UGT2B17: variants seen among roughly 807,000 people sequenced by gnomAD.
UGT2B17 encodes UDP glucuronosyltransferase family 2 member B17.
In UGT2B17, 21 loss-of-function variants were observed where a neutral mutation model predicts 48.2. That is an observed-to-expected ratio of 0.44 (90% CI 0.31 to 0.63). The LOEUF (loss-of-function observed/expected upper bound fraction) is 0.63, where lower values mean the gene tolerates loss of function less well. Among genes scored for constraint, UGT2B17 ranks in the 20% least tolerant of loss-of-function variants. The pLI, the probability that UGT2B17 is intolerant of heterozygous loss-of-function variation, is 0.08. For synonymous variants in UGT2B17, 146 were observed against 238.4 expected (o/e 0.61, Z 3.57); for missense variants, 402 against 696.1 (o/e 0.58, Z 4.75).
chr4:68,538,245 T>A (rs1435429842), intron 6 of UGT2B17, among the ~76,000 whole-genome samples: 2 of 121,550 alleles, frequency 1.6e-5, no homozygotes, highest in African/African-American at 5.7e-5. Flanking sequence ...TTTTAGTTTT[T>A]TTTTTTTTTG....
In UGT2B17 at chr4:68,546,261, C is replaced by T. The variant is rs1730803511; in HGVS notation, c.1313+4416G>A. On this transcript the variant is annotated intron_variant, in intron 6 of 6. Transcript: ENST00000317746. Reference sequence around the variant, plus strand: ...TGGGCTTCATCCCTGGGATGCAAGGCTAGTTCAACGTACACAAATCAATGA... The same window carrying T: ...TGGGCTTCATCCCTGGGATGCAAGGTTAGTTCAACGTACACAAATCAATGA... 1.6e-5 allele frequency among the ~76,000 whole-genome samples: 2 copies of T among 126,210 alleles called. 1 individual carries two copies. Among genetic ancestry groups the T allele is most frequent in the South Asian group, 7.5e-4 (2 of 2,662 alleles). The allele number at this position is 126,210 out of a possible 152,430, so 82.8% of individuals were successfully genotyped here.
Position 68,546,336 on chromosome 4 carries a change from C to T in UGT2B17, c.1313+4341G>A, listed in dbSNP as rs1399407006. 1.6e-5 allele frequency among the ~76,000 whole-genome samples: 2 copies of T among 126,572 alleles called. 1 individual carries two copies. The highest frequency in any genetic ancestry group is 3.3e-5 in the Non-Finnish European group (2 of 59,768). 83.0% of individuals were successfully genotyped at this position (126,572 alleles called of 152,430 possible). ...CCAATGACAAAAACCACATGATTATCTCAATAGATGCAGAAAAGACCTTTG... is the reference window on the plus strand; with the variant it reads ...CCAATGACAAAAACCACATGATTATTTCAATAGATGCAGAAAAGACCTTTG... On this transcript the variant is annotated intron_variant, in intron 6 of 6. Coordinates refer to ENST00000317746, the MANE Select transcript of UGT2B17 (RefSeq NM_001077.4).
At position 68,570,766 on chromosome 4, in the gene UGT2B17, G is replaced by A. The variant is rs1446755808; in HGVS notation, c.-64-2218C>T. 1.6e-5 allele frequency among the ~76,000 whole-genome samples: 2 copies of A among 126,258 alleles called. 1 individual carries two copies. Among genetic ancestry groups the A allele is most frequent in the African/African-American group, 5.4e-5 (2 of 36,804 alleles). 82.8% of individuals were successfully genotyped at this position (126,258 alleles called of 152,430 possible). A position where few individuals can be genotyped will look rare whatever the true frequency, so the allele number is the denominator to read the frequency against. Reference sequence around the variant, plus strand: ...CAGTAAGCAGGTTTTTATAATTATTGTAACTCCTATTATAAGAGTTTTAAA... The same window carrying A: ...CAGTAAGCAGGTTTTTATAATTATTATAACTCCTATTATAAGAGTTTTAAA... On this transcript the variant is annotated intron_variant, in intron 1 of 6. Transcript: ENST00000317746.
chr4:68,543,491 G>C lies in UGT2B17; in HGVS notation c.1314-5587C>G, dbSNP rs1457538299. On this transcript the variant is annotated intron_variant, in intron 6 of 6. Transcript: ENST00000317746. Reference sequence around the variant, plus strand: ...AAAACCACAAAGATGGGGGAAAAAAGAGCAGAAAAACTGGAAATTATAAAA... The same window carrying C: ...AAAACCACAAAGATGGGGGAAAAAACAGCAGAAAAACTGGAAATTATAAAA... Among the ~76,000 whole-genome samples the C allele has an allele frequency of 1.6e-5, 2 of 124,868 alleles. 1 individual carries two copies. Among genetic ancestry groups the C allele is most frequent in the African/African-American group, 5.5e-5 (2 of 36,526 alleles). 81.9% of individuals were successfully genotyped at this position (124,868 alleles called of 152,430 possible).
intron 3 of UGT2B17, among the ~76,000 whole-genome samples, chr4:68,564,290 A>ATTTTTTTTTT (rs1413452406): frequency 1.1e-5 from 1 of 89,660 alleles, no homozygotes; most frequent in African/African-American, 5.7e-5. Flanking sequence ...ATATATATAT[A>ATTTTTTTTTT]TATATTTTTT....
intron 6 of UGT2B17, among the ~76,000 whole-genome samples, chr4:68,538,679 T>G (rs1396632845): frequency 7.9e-6 from 1 of 126,990 alleles, no homozygotes; most frequent in Non-Finnish European, 1.7e-5. Flanking sequence ...AATGTCAAAT[T>G]ATGACAGTTG....
chr4:68,559,730 T>C lies in UGT2B17; in HGVS notation c.1005+807A>G, dbSNP rs1159739323. Among the ~76,000 whole-genome samples the C allele has an allele frequency of 4.0e-5, 5 of 125,964 alleles. 1 individual carries two copies. Among genetic ancestry groups the C allele is most frequent in the African/African-American group, 1.1e-4 (4 of 36,632 alleles). The allele number at this position is 125,964 out of a possible 152,430, so 82.6% of individuals were successfully genotyped here. A position where few individuals can be genotyped will look rare whatever the true frequency, so the allele number is the denominator to read the frequency against. ...TAGATTAGAAAATAAGTTCCTACCA[T>C]GTTTATTTATAGTTCCTGCTCCTTC... On this transcript the variant is annotated intron_variant, in intron 4 of 6. Transcript: ENST00000317746.
intron 3 of UGT2B17, among the ~76,000 whole-genome samples, chr4:68,563,373 G>A (rs563111497): frequency 1.6e-5 from 2 of 127,200 alleles, no homozygotes; most frequent in African/African-American, 5.4e-5. Context: ...ACTTTGGAAG[G>A]TTGAGGCAAG....
At chr4:68,553,458 G>A (rs1179304437) in intron 4 of UGT2B17, among the ~76,000 whole-genome samples, 1 of 126,490 alleles carries the variant, frequency 7.9e-6, no homozygotes, top group Non-Finnish European at 1.7e-5. Context: ...CAGAACAAAG[G>A]CACCACTCAC....
intron 4 of UGT2B17, among the ~76,000 whole-genome samples, chr4:68,554,260 T>C (rs1730964125): frequency 8.1e-6 from 1 of 123,726 alleles, no homozygotes; most frequent in African/African-American, 2.8e-5. Context: ...AAACAAATAA[T>C]CTAAGAATGA....
Position 68,549,044 on chromosome 4 carries a change from T to G in UGT2B17, c.1313+1633A>C, listed in dbSNP as rs1434398592. 2.4e-5 allele frequency among the ~76,000 whole-genome samples: 3 copies of G among 125,574 alleles called. 1 individual carries two copies. The highest frequency in any genetic ancestry group is 5.4e-5 in the African/African-American group (2 of 36,846). 82.4% of individuals were successfully genotyped at this position (125,574 alleles called of 152,430 possible). On this transcript the variant is annotated intron_variant, in intron 6 of 6. Coordinates refer to ENST00000317746, the MANE Select transcript of UGT2B17 (RefSeq NM_001077.4). ...CTAGTTCACATTTAAATCCACCATT[T>G]TATTCTATATATTTTTGTTTTCTAA...
rs1205959693 is a variant in UGT2B17, at chr4:68,569,993, C to T, written c.-64-1445G>A. Among the ~76,000 whole-genome samples, 8 of 125,970 alleles carry T rather than the reference C, an allele frequency of 6.4e-5. 1 individual carries two copies. Among genetic ancestry groups the T allele is most frequent in the African/African-American group, 1.9e-4 (7 of 36,782 alleles). 82.6% of individuals were successfully genotyped at this position (125,970 alleles called of 152,430 possible). ...GGCTCAGGTCTGTGTCCCTTGTGGA[C>T]CTACCCCTCCACCCCAGAGAGCAAG... On this transcript the variant is annotated intron_variant, in intron 1 of 6. Transcript: ENST00000317746.
At chr4:68,549,623 A>T (rs1474731422) in intron 6 of UGT2B17, among the ~76,000 whole-genome samples, 4 of 125,600 alleles carry the variant, frequency 3.2e-5, no homozygotes, top group Non-Finnish European at 3.4e-5. Context: ...CACACTAGAA[A>T]GGCTGTAATA....
intron 2 of UGT2B17, among the ~76,000 whole-genome samples, chr4:68,567,550 C>T (rs1446883128): frequency 8.0e-6 from 1 of 125,342 alleles, no homozygotes; most frequent in Non-Finnish European, 1.7e-5. Context: ...TTATGACTCT[C>T]TTGGTGTCCT....
In UGT2B17 at chr4:68,546,926, A is replaced by T. The variant is rs1276045112; in HGVS notation, c.1313+3751T>A. Among the ~76,000 whole-genome samples, 15 of 125,748 alleles carry T rather than the reference A, an allele frequency of 1.2e-4. 3 individuals carry two copies. Among genetic ancestry groups the T allele is most frequent in the African/African-American group, 4.1e-4 (15 of 36,844 alleles). 82.5% of individuals were successfully genotyped at this position (125,748 alleles called of 152,430 possible). A position where few individuals can be genotyped will look rare whatever the true frequency, so the allele number is the denominator to read the frequency against. On this transcript the variant is annotated intron_variant, in intron 6 of 6. Transcript: ENST00000317746. ...AAACCACTGCTCAAGGAAATAAAAG[A>T]GGAAACAAACCAATGGAAGAACGTT...
chr4:68,550,255 C>G (rs1730890625), intron 6 of UGT2B17, among the ~76,000 whole-genome samples: 1 of 123,474 alleles, frequency 8.1e-6, no homozygotes, highest in Admixed American at 8.3e-5. Context: ...TTATGCTATG[C>G]AAATTGTAAC....
Position 68,571,110 on chromosome 4 carries a change from G to A in UGT2B17, c.-64-2562C>T, listed in dbSNP as rs751618904. The stretch of plus-strand genomic sequence containing the variant: ...AAAACAGCTTGTAACCATATGATTC[G>A]GTTGAGCATGTAGATGGGGGTCCAA... On this transcript the variant is annotated intron_variant, in intron 1 of 6. Coordinates refer to ENST00000317746, the MANE Select transcript of UGT2B17 (RefSeq NM_001077.4). 3.2e-5 allele frequency among the ~76,000 whole-genome samples: 4 copies of A among 125,200 alleles called. 2 individuals are homozygous for A. The highest frequency in any genetic ancestry group is 3.4e-5 in the Non-Finnish European group (2 of 59,304). The allele number at this position is 125,200 out of a possible 152,430, so 82.1% of individuals were successfully genotyped here.
chr4:68,569,907 G>C (rs1731272827), intron 1 of UGT2B17, among the ~76,000 whole-genome samples: 1 of 126,384 alleles, frequency 7.9e-6, no homozygotes, highest in Non-Finnish European at 1.7e-5. Flanking sequence ...TTGTCTGTTG[G>C]CATGCTCTCA....
rs1418893090 is a variant in UGT2B17, at chr4:68,547,919, G to C, written c.1313+2758C>G. On this transcript the variant is annotated intron_variant, in intron 6 of 6. Coordinates refer to ENST00000317746, the MANE Select transcript of UGT2B17 (RefSeq NM_001077.4). ...TAGAATGGCAATCATTAAAAAGTCA[G>C]GAAACCACAGGTGCTGGAGAGGATA... 1.6e-5 allele frequency among the ~76,000 whole-genome samples: 2 copies of C among 126,184 alleles called. 1 individual carries two copies. Among genetic ancestry groups the C allele is most frequent in the African/African-American group, 5.4e-5 (2 of 36,822 alleles). The allele number at this position is 126,184 out of a possible 152,430, so 82.8% of individuals were successfully genotyped here.
Sources: allele counts gnomAD v4.1 joint callset (sites outside exome capture counted in the v4.1 genomes callset), GRCh38; gene constraint gnomAD v4.1.1; transcripts MANE v1.5; gene names NCBI Gene and HGNC (gene_info 2026-07-23, HGNC 2026-07-21).